STARD13: variants seen among roughly 807,000 people sequenced by gnomAD.
STARD13 encodes the protein StAR related lipid transfer domain containing 13.
A neutral mutation model predicts 106.4 loss-of-function variants in STARD13; 62 were observed. The ratio of observed to expected loss-of-function variants is 0.58; its 90% confidence interval spans 0.48 to 0.72. The LOEUF (loss-of-function observed/expected upper bound fraction) is 0.72. Ranked by LOEUF, STARD13 falls within the 30% of genes least tolerant of loss-of-function variation. The probability of loss-of-function intolerance (pLI) is 0.00; values close to 1 mark genes in which losing one functional copy is unlikely to be tolerated. For synonymous variants in STARD13, 565 were observed against 553.0 expected, an observed-to-expected ratio of 1.02 and a Z score of -0.31; for missense variants, 1,387 against 1,424.0, an observed-to-expected ratio of 0.97 and a Z score of 0.42.
chr13:33,502,746 T>G, the STARD13 span, among the ~76,000 whole-genome samples: 2 of 152,230 alleles, frequency 1.3e-5, no homozygotes, highest in African/African-American at 4.8e-5. Flanking sequence ...AACTTGATCA[T>G]AGTGGATAAG....
At chr13:33,159,156 A>C (rs1272073058) in intron 3 of STARD13, among the ~76,000 whole-genome samples, 1 of 152,166 alleles carries the variant, frequency 6.6e-6, no homozygotes, top group Non-Finnish European at 1.5e-5. Context: ...GTGATGTGGT[A>C]ATGCCTTTGG....
chr13:33,164,776 C>G (rs1296565650), intron 3 of STARD13, among the ~76,000 whole-genome samples: 1 of 152,164 alleles, frequency 6.6e-6, no homozygotes, highest in East Asian at 1.9e-4. Flanking sequence ...ATCTTTGTCT[C>G]CTTACACTAT....
the STARD13 span, among the ~76,000 whole-genome samples, chr13:33,448,734 G>A: frequency 6.6e-6 from 1 of 151,996 alleles, no homozygotes; most frequent in East Asian, 1.9e-4. Flanking sequence ...AATGTGTAAG[G>A]GTCCCCTTTT....
the STARD13 span, among the ~76,000 whole-genome samples, chr13:33,607,798 A>G: frequency 6.6e-6 from 1 of 152,268 alleles, no homozygotes; most frequent in Admixed American, 6.5e-5. Flanking sequence ...TTGCATTACA[A>G]TAACTAAGCA....
intron 1 of STARD13, among the ~76,000 whole-genome samples, chr13:33,292,245 T>C (rs1892322337): frequency 6.6e-6 from 1 of 151,976 alleles, no homozygotes; most frequent in Admixed American, 6.6e-5. Flanking sequence ...AACATATCCG[T>C]AAGATGAAAA....
intron 1 of STARD13, chr13:33,350,264 G>A: frequency 6.6e-7 from 1 of 1,517,604 alleles, no homozygotes; most frequent in South Asian, 1.2e-5. Context: ...CGCCCCCGTG[G>A]GTCGCGGCGT....
At chr13:33,663,745 G>A in the STARD13 span, among the ~76,000 whole-genome samples, 1 of 152,188 alleles carries the variant, frequency 6.6e-6, no homozygotes, top group Non-Finnish European at 1.5e-5. Flanking sequence ...TGGTCAAGTG[G>A]ACAGCAGAGC....
At chr13:33,578,880 C>T in the STARD13 span, among the ~76,000 whole-genome samples, 1 of 151,968 alleles carries the variant, frequency 6.6e-6, no homozygotes, top group Non-Finnish European at 1.5e-5. Context: ...TATAAATAGC[C>T]AACAAAAATA....
At chr13:33,237,515 A>G (rs1405616990) in intron 1 of STARD13, among the ~76,000 whole-genome samples, 1 of 152,164 alleles carries the variant, frequency 6.6e-6, no homozygotes, top group Non-Finnish European at 1.5e-5. Flanking sequence ...CACTTCCCAC[A>G]TGAACTATTG....
chr13:33,311,202 C>T (rs930539708), intron 1 of STARD13, among the ~76,000 whole-genome samples: 4 of 150,874 alleles, frequency 2.7e-5, no homozygotes, highest in Admixed American at 1.3e-4. Context: ...GAGGCTGAGG[C>T]GGGATGATCT....
the STARD13 span, among the ~76,000 whole-genome samples, chr13:33,549,866 C>T: frequency 6.6e-6 from 1 of 152,140 alleles, no homozygotes; most frequent in African/African-American, 2.4e-5. Flanking sequence ...TAGTTATAGC[C>T]CAGAGGTTGT....
At chr13:33,588,938 G>C in the STARD13 span, among the ~76,000 whole-genome samples, 5 of 152,172 alleles carry the variant, frequency 3.3e-5, no homozygotes, top group Non-Finnish European at 7.4e-5. Flanking sequence ...GCACTCATAA[G>C]CTAGTCTAGT....
chr13:33,549,717 A>G, the STARD13 span, among the ~76,000 whole-genome samples: 2 of 152,138 alleles, frequency 1.3e-5, no homozygotes. Context: ...CTTACATGAC[A>G]TCTGTTTCTT....
the STARD13 span, among the ~76,000 whole-genome samples, chr13:33,425,614 G>A: frequency 2.7e-3 from 409 of 152,288 alleles, 2 homozygotes; most frequent in African/African-American, 9.0e-3. Context: ...GACACTGAAG[G>A]TGTACCCTGC....
At chr13:33,197,696 T>A (rs1182632972) in intron 1 of STARD13, among the ~76,000 whole-genome samples, 3 of 152,202 alleles carry the variant, frequency 2.0e-5, no homozygotes, top group Non-Finnish European at 2.9e-5. Context: ...CAAGCCATGG[T>A]AGAACCAACA....
the STARD13 span, among the ~76,000 whole-genome samples, chr13:33,385,850 C>CAA: frequency 1.0e-4 from 5 of 49,332 alleles, no homozygotes; most frequent in African/African-American, 2.6e-4. Context: ...GACTCTGTCT[C>CAA]AAAAAAAAAA....
chr13:33,583,853 A>G, the STARD13 span, among the ~76,000 whole-genome samples: 1 of 16,074 alleles, frequency 6.2e-5, no homozygotes, highest in Admixed American at 1.2e-3. Flanking sequence ...CCTGGCCTAT[A>G]ATGTTTTTTT....
chr13:33,178,557 T>C (rs1884934477), intron 1 of STARD13, among the ~76,000 whole-genome samples: 2 of 152,232 alleles, frequency 1.3e-5, no homozygotes. Context: ...AGTTTATTCA[T>C]GTACCAGAAC....
chr13:33,569,759 T>A, the STARD13 span, among the ~76,000 whole-genome samples: 1 of 148,128 alleles, frequency 6.8e-6, no homozygotes, highest in African/African-American at 2.5e-5. Flanking sequence ...CAGAGTAGAT[T>A]ATTAACTTTC....
Sources: allele counts gnomAD v4.1 joint callset (sites outside exome capture counted in the v4.1 genomes callset), GRCh38; gene constraint gnomAD v4.1.1; transcripts MANE v1.5; gene names NCBI Gene and HGNC (gene_info 2026-07-23, HGNC 2026-07-21).